TNRC18: variants seen among roughly 807,000 people sequenced by gnomAD.
The protein encoded by TNRC18 is trinucleotide repeat containing 18.
In TNRC18, 69 loss-of-function variants were observed where a neutral mutation model predicts 226.7. The observed-to-expected ratio is 0.30, with a 90% CI of 0.25 to 0.37. The LOEUF (loss-of-function observed/expected upper bound fraction) is 0.37, where lower values mean the gene tolerates loss of function less well. Among genes scored for constraint, TNRC18 ranks in the 10% least tolerant of loss-of-function variants. The pLI, the probability that TNRC18 is intolerant of heterozygous loss-of-function variation, is 1.00. For missense variants in TNRC18, 4,754 were observed against 4,256.6 expected, an observed-to-expected ratio of 1.12 and a Z score of -3.25; for synonymous variants, 2,449 against 1,927.6, an observed-to-expected ratio of 1.27 and a Z score of -7.09.
chr7:5,337,715 G>T (rs1257801784), intron 18 of TNRC18, among the ~76,000 whole-genome samples: 1 of 151,928 alleles, frequency 6.6e-6, no homozygotes, highest in Non-Finnish European at 1.5e-5. Flanking sequence ...TCGGGTCCGG[G>T]GGCTCATGCC....
Position 5,421,428 on chromosome 7 carries a change from G to A in TNRC18, c.-182C>T, listed in dbSNP as rs1782581562. The A allele has an allele frequency of 6.2e-6, 2 of 321,980 alleles. No homozygotes were observed. Among genetic ancestry groups the A allele is most frequent in the Admixed American group, 6.6e-5 (1 of 15,222 alleles). The allele number at this position is 321,980 out of a possible 1,614,324, so 19.9% of individuals were successfully genotyped here. A position where few individuals can be genotyped will look rare whatever the true frequency, so the allele number is the denominator to read the frequency against. On this transcript the variant is annotated 5_prime_UTR_variant, in exon 2 of 30. Coordinates refer to ENST00000430969, the MANE Select transcript of TNRC18 (RefSeq NM_001080495.3). ...GGCCCGCGGCCCGGGGCGCACAGGC[G>A]GCCGGCGGTGGGGCCCCTCCGGGCG...
At position 5,377,139 on chromosome 7, in the gene TNRC18, C is replaced by A; in HGVS notation, c.2462-146G>T. 7.8e-7 allele frequency: 1 copy of A among 1,283,500 alleles called. No individual in the cohort carries two copies. The allele number at this position is 1,283,500 out of a possible 1,614,324, so 79.5% of individuals were successfully genotyped here. On this transcript the variant is annotated intron_variant, in intron 7 of 29. Coordinates refer to ENST00000430969, the MANE Select transcript of TNRC18 (RefSeq NM_001080495.3). This position sits in a 1 kb window ranked among gnomAD's most constrained non-coding sequence, Gnocchi z 5.8. ...GCCAAGGGACAGGGGTGCTGGCTGG[C>A]TGCAAAGAGCACCCCAGAGCCACCC...
At chr7:5,380,402 C>T (rs192258441) in intron 5 of TNRC18, among the ~76,000 whole-genome samples, 1 of 152,330 alleles carries the variant, frequency 6.6e-6, no homozygotes, top group Admixed American at 6.5e-5. Flanking sequence ...GCTGTGATTA[C>T]ACCACCATAC....
rs1787304724 is a variant in TNRC18, at chr7:5,312,283, C to A, written c.8388+220G>T. ...GCGTCCCGGGACCAGAGGGCAGGAC[C>A]ACTCTGCTCTGAAGGACTCGGGCAT... is the stretch of plus-strand genomic sequence containing the variant. On this transcript the variant is annotated intron_variant, in intron 27 of 29. Coordinates refer to ENST00000430969, the MANE Select transcript of TNRC18 (RefSeq NM_001080495.3). This position sits in a 1 kb window ranked among gnomAD's most constrained non-coding sequence, Gnocchi z 6.3. 1.3e-5 allele frequency among the ~76,000 whole-genome samples: 2 copies of A among 152,214 alleles called. No homozygotes were observed. Among genetic ancestry groups the A allele is most frequent in the South Asian group, 4.1e-4 (2 of 4,824 alleles).
chr7:5,415,369 C>CTTTTTT (rs368389351), intron 2 of TNRC18, among the ~76,000 whole-genome samples: 16 of 83,124 alleles, frequency 1.9e-4, no homozygotes, highest in East Asian at 3.2e-4. Context: ...CTGTGTCCCT[C>CTTTTTT]TTTTTTTTTT....
Position 5,332,916 on chromosome 7 carries a change from G to A in TNRC18, c.5853C>T (p.Arg1951=), listed in dbSNP as rs1293238063. The part of the protein sequence containing the change: ...PSLAAPTPGA[R]GPDPSSPDKA... ...TGTCTGGGCTGCTGGGGTCGGGACCGCGGGCGCCAGGCGTGGGTGCGGCCA... is the reference window on the plus strand; with the variant it reads ...TGTCTGGGCTGCTGGGGTCGGGACCACGGGCGCCAGGCGTGGGTGCGGCCA... Residue 1951 remains arginine, a synonymous_variant, in exon 19 of 30, where the codon CGC becomes CGT. Coordinates refer to ENST00000430969, the MANE Select transcript of TNRC18 (RefSeq NM_001080495.3). 5 of 1,539,174 alleles carry A rather than the reference G, an allele frequency of 3.2e-6. No homozygotes were observed. The highest frequency in any genetic ancestry group is 2.0e-5 in the Admixed American group (1 of 51,094).
In TNRC18 at chr7:5,359,459, T is replaced by C. The variant is rs753115556; in HGVS notation, c.4772A>G (p.Lys1591Arg). 32 of 1,613,896 alleles carry C rather than the reference T, an allele frequency of 2.0e-5. No individual in the cohort carries two copies. The highest frequency in any genetic ancestry group is 3.3e-4 in the Middle Eastern group (2 of 6,084). Residue 1591 changes from lysine to arginine, a missense_variant, in exon 15 of 30, where the codon AAA becomes AGA. Physicochemically the swap from Lys to Arg is conservative, Grantham distance 26. Transcript: ENST00000430969. ...EEHDALIGMG[K>R]ARGRNQTWDE... ...CCAAGTCTGGTTCCTCCCCCTGGCT[T>C]TCCCCATTCCGATGAGGGCATCATG...
chr7:5,393,967 C>A (rs1438574546), intron 3 of TNRC18, among the ~76,000 whole-genome samples: 3 of 152,126 alleles, frequency 2.0e-5, no homozygotes, highest in Admixed American at 1.3e-4. Context: ...CTCCACCTCC[C>A]AAACTGTTGG....
At chr7:5,412,868 C>T (rs745555657) in intron 2 of TNRC18, among the ~76,000 whole-genome samples, 137 of 152,296 alleles carry the variant, frequency 9.0e-4, no homozygotes, top group Non-Finnish European at 1.7e-3. Context: ...CAGGGTTTCC[C>T]CCCAGGCTGA....
intron 11 of TNRC18, among the ~76,000 whole-genome samples, chr7:5,369,509 C>G (rs1217486683): frequency 6.6e-6 from 1 of 152,152 alleles, no homozygotes; most frequent in African/African-American, 2.4e-5. Flanking sequence ...ACCCCCCACC[C>G]CAGTGAGGAC....
At chr7:5,372,247 TTTTG>T (rs1324913702) in intron 10 of TNRC18, among the ~76,000 whole-genome samples, 1 of 151,638 alleles carries the variant, frequency 6.6e-6, no homozygotes, top group Non-Finnish European at 1.5e-5. Context: ...TTTTTTTTTT[TTTTG>T]TATTTTTAGT....
intron 3 of TNRC18, among the ~76,000 whole-genome samples, chr7:5,392,046 G>A (rs577425546): frequency 1.3e-5 from 2 of 151,932 alleles, no homozygotes; most frequent in Admixed American, 6.6e-5. Flanking sequence ...CAGGGATGCA[G>A]GACCTGTCCC....
chr7:5,401,985 C>T lies in TNRC18; in HGVS notation c.188-7390G>A, dbSNP rs185101919. Among the ~76,000 whole-genome samples, 822 of 151,564 alleles carry T rather than the reference C, an allele frequency of 5.4e-3. 21 individuals carry two copies. Among genetic ancestry groups the T allele is most frequent in the Admixed American group, 0.043 (650 of 15,200 alleles). On this transcript the variant is annotated intron_variant, in intron 2 of 29. Transcript: ENST00000430969. ...GGTCAGCAGATCAAGACCATCCTGG[C>T]TAACACGGTGAAACCCCGTCTCTAC...
rs1221897994 is a variant in TNRC18, at chr7:5,320,512, C to T, written c.6636+20G>A. 2 of 1,536,418 alleles carry T rather than the reference C, an allele frequency of 1.3e-6. No homozygotes were observed. Among genetic ancestry groups the T allele is most frequent in the South Asian group, 1.1e-5 (1 of 87,452 alleles). On this transcript the variant is annotated intron_variant, in intron 23 of 29. Transcript: ENST00000430969. The stretch of plus-strand genomic sequence containing the variant: ...CCAGCCCACCCCGAGCCTCCCGAGG[C>T]CCCGCCCCTCCCCCCTCACCGCCTC...
At chr7:5,373,144 G>C (rs1353866585) in intron 10 of TNRC18, among the ~76,000 whole-genome samples, 2 of 152,114 alleles carry the variant, frequency 1.3e-5, no homozygotes, top group African/African-American at 4.8e-5. Flanking sequence ...GGCAACAAGA[G>C]CAAAACTCCG....
In TNRC18 at chr7:5,313,397, G is replaced by C. The variant is rs749000232; in HGVS notation, c.7494C>G (p.Leu2498=). 6.3e-7 allele frequency: 1 copy of C among 1,594,184 alleles called. No individual in the cohort carries two copies. The highest frequency in any genetic ancestry group is 8.5e-7 in the Non-Finnish European group (1 of 1,171,894). Reference sequence around the variant, plus strand: ...CGGGGGGATAGCTGCCCAGGCTCAGGAGGCTCTTGGGCTCCTGCCAGCCCC... The same window carrying C: ...CGGGGGGATAGCTGCCCAGGCTCAGCAGGCTCTTGGGCTCCTGCCAGCCCC... ...GAGGWQEPKS[L]LSLGSYPPAA... The change falls in exon 27 of 30, where the codon CTC becomes CTG. Residue 2498 remains leucine (L), a synonymous_variant. Transcript: ENST00000430969.
intron 16 of TNRC18, 78 bp downstream of exon 16, chr7:5,356,838 G>C: frequency 7.0e-7 from 1 of 1,430,926 alleles, no homozygotes; most frequent in Non-Finnish European, 9.2e-7. Context: ...GGCGGGGGGG[G>C]AAGGAGGACG....
At chr7:5,354,493 G>T (rs1186398930) in intron 16 of TNRC18, among the ~76,000 whole-genome samples, 1 of 151,924 alleles carries the variant, frequency 6.6e-6, no homozygotes, top group South Asian at 2.1e-4. Context: ...GAGATTGAGA[G>T]AGCAAAAGAA....
At chr7:5,370,347 G>A (rs998056888) in intron 11 of TNRC18, 28 bp downstream of exon 11, 1 of 1,523,314 alleles carries the variant, frequency 6.6e-7, no homozygotes. Context: ...TCACGAATCT[G>A]CAGAACTCAG....
Sources: allele counts gnomAD v4.1 joint callset (sites outside exome capture counted in the v4.1 genomes callset), GRCh38; gene constraint gnomAD v4.1.1; non-coding constraint Gnocchi (gnomAD v3.1); transcripts MANE v1.5; gene names NCBI Gene and HGNC (gene_info 2026-07-23, HGNC 2026-07-21).